The following ABCA7 variants were observed in gnomAD, a reference collection of about 807,000 sequenced individuals.
The protein encoded by ABCA7 is phospholipid-transporting ATPase ABCA7.
Under a neutral mutation model 227.6 loss-of-function variants are expected in ABCA7, and 261 were observed. The observed-to-expected ratio is 1.15, with a 90% CI of 1.04 to 1.27. The LOEUF is 1.27. ABCA7 is among the 50% of genes most tolerant of loss of function. The probability of loss-of-function intolerance (pLI) is 0.00; values close to 1 mark genes in which losing one functional copy is unlikely to be tolerated. For missense variants in ABCA7, 3,331 were observed against 2,924.5 expected, an observed-to-expected ratio of 1.14 and a Z score of -3.21; for synonymous variants, 1,488 against 1,279.7, an observed-to-expected ratio of 1.16 and a Z score of -3.47.
Position 1,055,140 on chromosome 19 carries a change from G to A in ABCA7, c.3994G>A (p.Ala1332Thr). 6.2e-7 allele frequency: 1 copy of A among 1,612,986 alleles called. No individual in the cohort carries two copies. The highest frequency in any genetic ancestry group is 8.5e-7 in the Non-Finnish European group (1 of 1,179,952). The change falls in exon 30 of 47, where the codon GCC (alanine) becomes ACC (threonine). Residue 1332 changes from alanine (A) to threonine (T), a missense_variant. By Grantham distance (58) the Ala-to-Thr change is moderately conservative. Transcript: ENST00000263094. ...EVPAEVAKVLASGNWTPESPS... is the reference protein window; with the variant it reads ...EVPAEVAKVLTSGNWTPESPS... Reference sequence around the variant, plus strand: ...TCCTGCTGAAGTGGCCAAGGTCTTGGCCAGTGGCAACTGGACCCCAGAGTC... The same window carrying A: ...TCCTGCTGAAGTGGCCAAGGTCTTGACCAGTGGCAACTGGACCCCAGAGTC...
chr19:1,050,978 C>G lies in ABCA7; in HGVS notation c.2610C>G (p.His870Gln), dbSNP rs1487343598. ...GTGGCTCTGCCTTCATCCTGGGCCA[C>G]GACGTCCGCTCCAGCATGGCCGCCA... ...PSGGSAFILG[H>Q]DVRSSMAAIR... The change falls in exon 19 of 47, where the codon CAC becomes CAG. Residue 870 changes from histidine (H) to glutamine (Q), a missense_variant. Coordinates refer to ENST00000263094, the MANE Select transcript of ABCA7 (RefSeq NM_019112.4). The G allele has an allele frequency of 1.2e-6, 2 of 1,612,120 alleles. No homozygotes were observed. Among genetic ancestry groups the G allele is most frequent in the South Asian group, 1.1e-5 (1 of 91,002 alleles).
intron 6 of ABCA7, 147 bp downstream of exon 6, chr19:1,042,544 GC>G: frequency 5.3e-6 from 6 of 1,132,732 alleles, no homozygotes; most frequent in African/African-American, 1.5e-5. Context: ...GTCCGTCTGG[GC>G]CCCCAGACAG....
At chr19:1,060,530 T>G (rs960352194) in intron 40 of ABCA7, among the ~76,000 whole-genome samples, 5 of 151,026 alleles carry the variant, frequency 3.3e-5, no homozygotes, top group Non-Finnish European at 4.4e-5. Context: ...TTCTTTTTTT[T>G]TTTTTTTGAG....
Position 1,065,447 on chromosome 19 carries a change from G to C in ABCA7, c.*22G>C. On this transcript the variant is annotated 3_prime_UTR_variant, in exon 47 of 47. Transcript: ENST00000263094. ...CTGAGCCTCCCTCCCCTGCGGGGCC[G>C]CGGGGAGGCCCTGGGAATGGCAAGG... is the stretch of plus-strand genomic sequence containing the variant. The C allele has an allele frequency of 6.2e-7, 1 of 1,611,390 alleles. No homozygotes were observed. The highest frequency in any genetic ancestry group is 8.5e-7 in the Non-Finnish European group (1 of 1,178,734).
chr19:1,060,522 C>CTT (rs546964567), intron 40 of ABCA7, among the ~76,000 whole-genome samples: 3 of 135,172 alleles, frequency 2.2e-5, no homozygotes, highest in African/African-American at 2.8e-5. Flanking sequence ...TTGTTTTTTT[C>CTT]TTTTTTTTTT....
At chr19:1,053,925 A>G in intron 25 of ABCA7, 81 bp from the exon 26 acceptor site, 2 of 1,598,220 alleles carry the variant, frequency 1.3e-6, no homozygotes, top group Admixed American at 3.4e-5. Flanking sequence ...GGCCCAAGGC[A>G]TAGCCTTTAC....
chr19:1,049,472 C>CA lies in ABCA7; in HGVS notation c.2552+35_2552+36insA, dbSNP rs1555688306. The stretch of plus-strand genomic sequence containing the variant: ...CAACCACTCCCTCCCCGTGAGCCCC[C>CA]CCACTCCCACCCCGTGAGCCCCCCC... On this transcript the variant is annotated intron_variant, in intron 18 of 46. Transcript: ENST00000263094. The CA allele has an allele frequency of 8.1e-5, 64 of 787,052 alleles. 2 individuals are homozygous for CA. Among genetic ancestry groups the CA allele is most frequent in the Admixed American group, 2.1e-4 (2 of 9,620 alleles). The allele number at this position is 787,052 out of a possible 1,614,324, so 48.8% of individuals were successfully genotyped here. A position where few individuals can be genotyped will look rare whatever the true frequency, so the allele number is the denominator to read the frequency against.
chr19:1,047,911 G>A (rs1472943342), intron 16 of ABCA7, among the ~76,000 whole-genome samples: 1 of 152,196 alleles, frequency 6.6e-6, no homozygotes, highest in East Asian at 1.9e-4. Flanking sequence ...CACAGTCGCC[G>A]GGCGCTGTGG....
In ABCA7 at chr19:1,047,302, A is replaced by G. The variant is rs866070809; in HGVS notation, c.1991A>G (p.Tyr664Cys). The G allele has an allele frequency of 2.5e-6, 4 of 1,604,384 alleles. No homozygotes were observed. Among genetic ancestry groups the G allele is most frequent in the Middle Eastern group, 3.3e-4 (2 of 6,052 alleles). The change falls in exon 15 of 47, where the codon TAC becomes TGC. Residue 664 changes from tyrosine to cysteine, a missense_variant. Physicochemically the swap from Tyr to Cys is radical, Grantham distance 194 (BLOSUM62 -2). Coordinates refer to ENST00000263094, the MANE Select transcript of ABCA7 (RefSeq NM_019112.4). The stretch of plus-strand genomic sequence containing the variant: ...GCTGCGGCCTGCGGCGGCCTGGCCT[A>G]CTTCTCCCTCTACCTGCCCTACGTG... ...NLAAACGGLA[Y>C]FSLYLPYVLC...
Position 1,053,855 on chromosome 19 carries a change from G to A in ABCA7, c.3472+19G>A, listed in dbSNP as rs768445386. The A allele has an allele frequency of 1.2e-5, 19 of 1,605,068 alleles. No homozygotes were observed. The East Asian group carries it at 4.0e-4, about 34-fold the overall frequency. On this transcript the variant is annotated intron_variant, in intron 25 of 46. Transcript: ENST00000263094. ...ATGGAGGGTGCGGCCACAGCTCCCT[G>A]ACCCCTGACCCCAGTCCAGAGTGGG...
Position 1,056,428 on chromosome 19 carries a change from C to T in ABCA7, c.4515C>T (p.Arg1505=). The stretch of plus-strand genomic sequence containing the variant: ...CTCACCTGCCCCCAGGCCCGGCCCG[C>T]CACGCCCACAGCATCACCACACTCA... ...LRAHLPPGPA[R]HAHSITTLNH... Residue 1505 remains arginine (R), a synonymous_variant, in exon 33 of 47, where the codon CGC becomes CGT. Transcript: ENST00000263094. This position sits in a 1 kb window ranked among gnomAD's most constrained non-coding sequence, Gnocchi z 4.3. The T allele has an allele frequency of 1.2e-6, 2 of 1,613,644 alleles. No individual in the cohort carries two copies. Among genetic ancestry groups the T allele is most frequent in the Non-Finnish European group, 1.7e-6 (2 of 1,180,006 alleles).
Position 1,044,704 on chromosome 19 carries a change from A to G in ABCA7, c.1175A>G (p.Asp392Gly). 2 of 1,612,274 alleles carry G rather than the reference A, an allele frequency of 1.2e-6. No individual in the cohort carries two copies. Among genetic ancestry groups the G allele is most frequent in the Non-Finnish European group, 1.7e-6 (2 of 1,179,842 alleles). Residue 392 changes from aspartate to glycine, a missense_variant, in exon 11 of 47, where the codon GAT becomes GGT. Asp to Gly is a moderately conservative substitution (Grantham distance 94). Coordinates refer to ENST00000263094, the MANE Select transcript of ABCA7 (RefSeq NM_019112.4). ...GGYSWQDAHA[D>G]VGHLVGTLGR... ...TACAGCTGGCAGGACGCACACGCTG[A>G]TGTGGGGCACCTGGTGGGCACGCTG...
intron 37 of ABCA7, 96 bp downstream of exon 37, chr19:1,058,365 C>T: frequency 6.6e-7 from 1 of 1,520,986 alleles, no homozygotes; most frequent in Non-Finnish European, 8.8e-7. Context: ...AACAGCCCCC[C>T]AGGGAGACAG....
chr19:1,061,389 T>C (rs1337280666), intron 40 of ABCA7, among the ~76,000 whole-genome samples: 15 of 51,772 alleles, frequency 2.9e-4, no homozygotes, highest in African/African-American at 2.1e-3. Flanking sequence ...AGGCTCCGTC[T>C]CAAAAAAAAA....
intron 16 of ABCA7, among the ~76,000 whole-genome samples, chr19:1,048,015 CTCA>C (rs1213431279): frequency 1.3e-5 from 2 of 151,758 alleles, no homozygotes; most frequent in African/African-American, 4.8e-5. Context: ...ATAGTGAGAC[CTCA>C]TCAATACAAA....
In ABCA7 at chr19:1,051,218, G is replaced by A. The variant is rs755742693; in HGVS notation, c.2748G>A (p.Val916=). ...GRLKGLSAAV[V]GPEQDRLLQD... ...TGAAGGGTCTGAGTGCCGCTGTAGT[G>A]GGCCCCGAGCAGGACCGTCTGCTGC... Residue 916 remains valine, a synonymous_variant, in exon 20 of 47, where the codon GTG becomes GTA. Coordinates refer to ENST00000263094, the MANE Select transcript of ABCA7 (RefSeq NM_019112.4). 7.8e-5 allele frequency: 126 copies of A among 1,610,888 alleles called. No homozygotes were observed. The highest frequency in any genetic ancestry group is 1.0e-4 in the Non-Finnish European group (122 of 1,179,852).
At chr19:1,055,483 C>A in intron 30 of ABCA7, 132 bp downstream of exon 30, 2 of 785,496 alleles carry the variant, frequency 2.5e-6, no homozygotes, top group South Asian at 2.1e-5. Context: ...GGGAGTCTCG[C>A]GTACCTTCCT....
intron 12 of ABCA7, 48 bp from the exon 13 acceptor site, chr19:1,046,182 G>T: frequency 6.3e-7 from 1 of 1,590,930 alleles, no homozygotes; most frequent in South Asian, 1.1e-5. Context: ...TGGGGCCCCG[G>T]GAGTTTCTAG....
intron 35 of ABCA7, 96 bp downstream of exon 35, chr19:1,057,525 G>A: frequency 8.0e-7 from 1 of 1,244,024 alleles, no homozygotes; most frequent in Non-Finnish European, 1.2e-6. Flanking sequence ...GACTCCCAAG[G>A]AGAGGATATG....
Sources: allele counts gnomAD v4.1 joint callset (sites outside exome capture counted in the v4.1 genomes callset), GRCh38; gene constraint gnomAD v4.1.1; non-coding constraint Gnocchi (gnomAD v3.1); transcripts MANE v1.5; gene names NCBI Gene and HGNC (gene_info 2026-07-23, HGNC 2026-07-21).